Variants in SKIC3 observed in about 807,000 individuals in gnomAD.
SKIC3 encodes SKI3 subunit of superkiller complex.
chr5:95,523,274 G>A, the SKIC3 span: 93 of 1,613,680 alleles, frequency 5.8e-5, no homozygotes, highest in South Asian at 4.4e-4. Context: ...CCATTTTGCC[G>A]TTCCAGCACT....
At chr5:95,525,343 G>T in the SKIC3 span, 1 of 1,526,240 alleles carries the variant, frequency 6.6e-7, no homozygotes, top group Non-Finnish European at 9.1e-7. Flanking sequence ...GAATTTTTCA[G>T]AAATATAAAG....
At chr5:95,531,248 G>A in the SKIC3 span, among the ~76,000 whole-genome samples, 1 of 152,094 alleles carries the variant, frequency 6.6e-6, no homozygotes, top group Non-Finnish European at 1.5e-5. Flanking sequence ...GTAATATGTA[G>A]TAATATGTTA....
chr5:95,554,057 A>T, the SKIC3 span, among the ~76,000 whole-genome samples: 2 of 152,210 alleles, frequency 1.3e-5, no homozygotes, highest in Non-Finnish European at 2.9e-5. Context: ...CTGTTTTCCT[A>T]TCTGCAATAT....
chr5:95,512,633 A>G, the SKIC3 span: 179 of 1,613,702 alleles, frequency 1.1e-4, no homozygotes, highest in Middle Eastern at 3.3e-4. Context: ...AAAAAAGCCA[A>G]CGTTAAGCAG....
chr5:95,514,768 T>C, the SKIC3 span: 1 of 1,382,908 alleles, frequency 7.2e-7, no homozygotes, highest in Admixed American at 1.9e-5. Flanking sequence ...TCAAATGCTA[T>C]CCGTTACCAT....
the SKIC3 span, chr5:95,498,502 G>A: frequency 6.2e-7 from 1 of 1,614,188 alleles, no homozygotes; most frequent in Non-Finnish European, 8.5e-7. Context: ...CTCATTAAGT[G>A]CTGCTTTTGA....
At chr5:95,500,589 G>A in the SKIC3 span, among the ~76,000 whole-genome samples, 4 of 151,948 alleles carry the variant, frequency 2.6e-5, no homozygotes, top group African/African-American at 9.7e-5. Context: ...TTATCCAAAC[G>A]GCATAACCAT....
chr5:95,539,347 A>T, the SKIC3 span, among the ~76,000 whole-genome samples: 1 of 152,222 alleles, frequency 6.6e-6, no homozygotes, highest in Non-Finnish European at 1.5e-5. Flanking sequence ...ACATGAAAAA[A>T]TGCTCAACAT....
At chr5:95,472,934 T>G in the SKIC3 span, among the ~76,000 whole-genome samples, 2 of 152,188 alleles carry the variant, frequency 1.3e-5, no homozygotes, top group Admixed American at 1.3e-4. Flanking sequence ...AAGGGGGACA[T>G]GATTTCGTTC....
At chr5:95,502,984 A>G in the SKIC3 span, 5 of 1,614,118 alleles carry the variant, frequency 3.1e-6, no homozygotes, top group Admixed American at 1.7e-5. Flanking sequence ...ATTCAACAAT[A>G]GACAAGGCTC....
the SKIC3 span, chr5:95,468,122 A>T: frequency 8.6e-7 from 1 of 1,159,430 alleles, no homozygotes; most frequent in Non-Finnish European, 1.2e-6. Context: ...TTTTTAATTC[A>T]GATAACAATA....
At chr5:95,526,378 C>G in the SKIC3 span, among the ~76,000 whole-genome samples, 5 of 151,528 alleles carry the variant, frequency 3.3e-5, no homozygotes, top group African/African-American at 1.2e-4. Context: ...CCTGTATTTT[C>G]TGTATATTAG....
chr5:95,466,436 C>T, the SKIC3 span, among the ~76,000 whole-genome samples: 1 of 152,226 alleles, frequency 6.6e-6, no homozygotes, highest in Non-Finnish European at 1.5e-5. Flanking sequence ...AGGATACTGC[C>T]AAATATCCAA....
chr5:95,465,733 C>T, the SKIC3 span, among the ~76,000 whole-genome samples: 2 of 152,272 alleles, frequency 1.3e-5, no homozygotes, highest in Middle Eastern at 3.4e-3. Context: ...CATATGCAGT[C>T]GGTTGCATTA....
chr5:95,522,539 C>G, the SKIC3 span, among the ~76,000 whole-genome samples: 1 of 151,780 alleles, frequency 6.6e-6, no homozygotes, highest in Admixed American at 6.6e-5. Flanking sequence ...AAGTGCTGAA[C>G]AAAATTTCTT....
the SKIC3 span, among the ~76,000 whole-genome samples, chr5:95,465,941 G>A: frequency 2.1e-4 from 32 of 152,138 alleles, no homozygotes; most frequent in Admixed American, 1.5e-3. Context: ...GATCCACGGC[G>A]AACTGTCTCC....
chr5:95,507,244 A>G, the SKIC3 span, among the ~76,000 whole-genome samples: 1 of 152,224 alleles, frequency 6.6e-6, no homozygotes, highest in Admixed American at 6.5e-5. Flanking sequence ...GTGAAATCAT[A>G]TATGACATTT....
the SKIC3 span, chr5:95,527,884 G>C: frequency 2.1e-6 from 2 of 951,830 alleles, no homozygotes; most frequent in Non-Finnish European, 3.3e-6. Flanking sequence ...TTATAAAAGT[G>C]CAGATGTGGT....
chr5:95,524,139 T>C, the SKIC3 span, among the ~76,000 whole-genome samples: 1 of 152,192 alleles, frequency 6.6e-6, no homozygotes, highest in Admixed American at 6.5e-5. Context: ...GACTTATAGA[T>C]GTTAAACATC....
Sources: gnomAD v4.1 joint callset for allele counts (sites outside exome capture counted in the v4.1 genomes callset) on GRCh38, gnomAD v4.1.1 for gene constraint, MANE v1.5 for transcripts, NCBI Gene and HGNC (gene_info 2026-07-23, HGNC 2026-07-21) for gene names.